The following CFAP92 variants were observed in gnomAD, a reference collection of about 807,000 sequenced individuals.
CFAP92 encodes cilia and flagella associated protein 92 (putative), also known as uncharacterized protein CFAP92.
In CFAP92, 86 loss-of-function variants were observed where a neutral mutation model predicts 106.3. That is an observed-to-expected ratio of 0.81 (90% CI 0.68 to 0.97). CFAP92 has a LOEUF of 0.97. Ranked by LOEUF, CFAP92 falls within the 50% of genes least tolerant of loss-of-function variation. The pLI, the probability that CFAP92 is intolerant of heterozygous loss-of-function variation, is 0.00. For synonymous variants in CFAP92, 477 were observed against 506.4 expected (o/e 0.94, Z 0.78); for missense variants, 1,204 against 1,283.8 (o/e 0.94, Z 0.95).
chr3:128,949,932 C>A (rs1940617576), intron 9 of CFAP92, among the ~76,000 whole-genome samples: 1 of 152,200 alleles, frequency 6.6e-6, no homozygotes, highest in Non-Finnish European at 1.5e-5. Flanking sequence ...AAATGATCCA[C>A]CTGCCTCAGC....
upstream of CFAP92, among the ~76,000 whole-genome samples, chr3:128,998,362 T>C (rs544606662): frequency 6.6e-6 from 1 of 152,300 alleles, no homozygotes; most frequent in South Asian, 2.1e-4. Context: ...ATCTAAGAAA[T>C]CTTTGACTAA....
chr3:128,910,281 T>G lies in CFAP92; in HGVS notation c.*18A>C, dbSNP rs1390337560. The G allele has an allele frequency of 4.6e-6, 7 of 1,520,902 alleles. No individual in the cohort carries two copies. The South Asian group carries it at 7.4e-5, about 16-fold the overall frequency. 94.2% of individuals were successfully genotyped at this position (1,520,902 alleles called of 1,614,324 possible). ...GTGCAGGTTCACCATGCGGTGGCCG[T>G]GGGAGGGTCTGTGCTGCTCAGGAGA... On this transcript the variant is annotated 3_prime_UTR_variant, in exon 16 of 16. Coordinates refer to ENST00000645291, the MANE Select transcript of CFAP92 (RefSeq NM_001394090.1).
chr3:128,995,643 T>C (rs903816822), upstream of CFAP92, among the ~76,000 whole-genome samples: 1 of 152,210 alleles, frequency 6.6e-6, no homozygotes, highest in African/African-American at 2.4e-5. Context: ...CAAAGGTTCC[T>C]AGATCACATC....
the CFAP92 span, among the ~76,000 whole-genome samples, chr3:129,020,880 C>G: frequency 1.3e-5 from 2 of 152,200 alleles, no homozygotes; most frequent in African/African-American, 4.8e-5. Context: ...GTCCAGTGTG[C>G]TGACCTGGCA....
In CFAP92 at chr3:128,915,478, GCTTT is replaced by G. The variant is rs1936735570; in HGVS notation, c.2998_3001del (p.Lys1000ProfsTer17). The stretch of plus-strand genomic sequence containing the variant: ...CCAGGCCTGGCGGGATTTCTTCTGG[GCTTT>G]CTTCTCCTCTTCCTTCAAGTCCAGG... On this transcript the variant is annotated frameshift_variant, in exon 14 of 16. Transcript: ENST00000645291. LOFTEE classifies it high-confidence loss of function. 6.5e-7 allele frequency: 1 copy of G among 1,536,142 alleles called. No homozygotes were observed. The highest frequency in any genetic ancestry group is 8.7e-7 in the Non-Finnish European group (1 of 1,146,912).
chr3:129,013,174 G>C, the CFAP92 span, among the ~76,000 whole-genome samples: 1 of 151,928 alleles, frequency 6.6e-6, no homozygotes, highest in Non-Finnish European at 1.5e-5. Context: ...GACACAAGGG[G>C]GTGGGCATCA....
chr3:129,001,702 G>A lies in CFAP92; in HGVS notation n.117+872C>T, dbSNP rs1182867774. 2 of 1,500,456 alleles carry A rather than the reference G, an allele frequency of 1.3e-6. No homozygotes were observed. The allele number at this position is 1,500,456 out of a possible 1,614,324, so 92.9% of individuals were successfully genotyped here. A position where few individuals can be genotyped will look rare whatever the true frequency, so the allele number is the denominator to read the frequency against. On this transcript the variant is annotated intron_variant and non_coding_transcript_variant, in intron 1 of 4. Transcript: ENST00000510149. ...GGTGACCCGTACCGGCGACCTGCGC[G>A]GCGCACGCAGTGGCTGCTGAGCGCC...
intron 12 of CFAP92, among the ~76,000 whole-genome samples, chr3:128,931,525 GTGTATA>G (rs1053627637): frequency 0.013 from 1,586 of 120,614 alleles, 12 homozygotes; most frequent in South Asian, 0.029. Flanking sequence ...ATGTATGTAT[GTGTATA>G]TATATATATA....
the CFAP92 span, among the ~76,000 whole-genome samples, chr3:129,018,384 AAAG>A: frequency 6.6e-6 from 1 of 152,282 alleles, no homozygotes; most frequent in Non-Finnish European, 1.5e-5. Flanking sequence ...AAAAACTAAA[AAAG>A]GGATATTTCA....
intron 9 of CFAP92, among the ~76,000 whole-genome samples, chr3:128,947,944 G>A (rs372458194): frequency 1.1e-4 from 17 of 152,028 alleles, no homozygotes; most frequent in African/African-American, 3.9e-4. Flanking sequence ...TAGGCAAAGA[G>A]TTCTTAGATG....
chr3:128,965,350 T>C (rs1449887491), intron 9 of CFAP92, among the ~76,000 whole-genome samples, 161 bp downstream of exon 9: 2 of 152,208 alleles, frequency 1.3e-5, no homozygotes, highest in African/African-American at 2.4e-5. Flanking sequence ...AACAGCCATG[T>C]TGCTCACACA....
Position 128,909,943 on chromosome 3 carries a change from A to C in CFAP92, c.*356T>G. On this transcript the variant is annotated 3_prime_UTR_variant, in exon 16 of 16. Transcript: ENST00000645291. ...GGAACACAGGAGACTAAGACAGGCA[A>C]AGATGCAGCCCAGGGAGGGACCATG... The C allele has an allele frequency of 6.3e-7, 1 of 1,585,136 alleles. No homozygotes were observed. The highest frequency in any genetic ancestry group is 1.9e-5 in the Admixed American group (1 of 53,992).
rs1226165503 is a variant in CFAP92, at chr3:128,984,010, GGAAA to G, written c.667+3602_667+3605del. 6.5e-4 allele frequency among the ~76,000 whole-genome samples: 99 copies of G among 152,286 alleles called. 1 individual carries two copies. The highest frequency in any genetic ancestry group is 2.3e-3 in the African/African-American group (95 of 41,554). On this transcript the variant is annotated intron_variant, in intron 4 of 15. Coordinates refer to ENST00000645291, the MANE Select transcript of CFAP92 (RefSeq NM_001394090.1). ...TGCAGAGAAAGCCAGAGGGCAGGAG[GGAAA>G]AGACAGCTGGGCAGAGAGCTCTCAA...
chr3:128,939,881 C>G (rs1939460048), intron 10 of CFAP92, among the ~76,000 whole-genome samples: 1 of 152,228 alleles, frequency 6.6e-6, no homozygotes, highest in South Asian at 2.1e-4. Flanking sequence ...CACTGCTGAT[C>G]TGACAGGTGG....
chr3:128,921,338 A>G (rs972039357), intron 12 of CFAP92, among the ~76,000 whole-genome samples: 24 of 152,238 alleles, frequency 1.6e-4, no homozygotes, highest in Non-Finnish European at 2.6e-4. Flanking sequence ...GACCAGGGTA[A>G]CAATGGCACA....
At chr3:128,924,731 GCCACCAC>G (rs1937543738) in intron 12 of CFAP92, among the ~76,000 whole-genome samples, 1 of 152,142 alleles carries the variant, frequency 6.6e-6, no homozygotes, top group Non-Finnish European at 1.5e-5. Flanking sequence ...ATAGGCGTGA[GCCACCAC>G]GCCCGACCGA....
rs1390097030 is a variant in CFAP92, at chr3:129,001,669, G to T, written n.117+905C>A. ...ACGGGCGCGGAGGCCGGCATGGAGG[G>T]CGCGGGAGGTGACCCGTACCGGCGA... is the stretch of plus-strand genomic sequence containing the variant. On this transcript the variant is annotated intron_variant and non_coding_transcript_variant, in intron 1 of 4. Coordinates refer to the CFAP92 transcript ENST00000510149. 5 of 1,440,282 alleles carry T rather than the reference G, an allele frequency of 3.5e-6. No individual in the cohort carries two copies. The East Asian group carries it at 1.1e-4, about 33-fold the overall frequency. The allele number at this position is 1,440,282 out of a possible 1,614,324, so 89.2% of individuals were successfully genotyped here.
chr3:128,933,842 C>CA (rs1938677291), intron 11 of CFAP92, among the ~76,000 whole-genome samples: 1 of 152,178 alleles, frequency 6.6e-6, no homozygotes, highest in African/African-American at 2.4e-5. Context: ...GCCACAGAAT[C>CA]AAAGAAAAGC....
intron 9 of CFAP92, among the ~76,000 whole-genome samples, chr3:128,951,234 C>T (rs1399409016): frequency 2.1e-5 from 3 of 140,190 alleles, no homozygotes; most frequent in Admixed American, 2.1e-4. Flanking sequence ...GACTCCATCT[C>T]AGAAAAAAAA....
Sources: allele counts gnomAD v4.1 joint callset (sites outside exome capture counted in the v4.1 genomes callset), GRCh38; gene constraint gnomAD v4.1.1; transcripts MANE v1.5; gene names NCBI Gene and HGNC (gene_info 2026-07-23, HGNC 2026-07-21).